Variants in ALG14 observed in about 807,000 individuals in gnomAD.
The protein encoded by ALG14 is UDP-N-acetylglucosamine transferase subunit ALG14.
Under a neutral mutation model 22.8 loss-of-function variants are expected in ALG14, and 17 were observed. That is an observed-to-expected ratio of 0.75 (90% confidence interval 0.51 to 1.12). ALG14 has a LOEUF of 1.12. ALG14 is among the 50% of genes most tolerant of loss of function. ALG14 has a pLI of 0.00. For synonymous variants in ALG14, 89 were observed against 103.7 expected, an observed-to-expected ratio of 0.86 and a Z score of 0.86; for missense variants, 288 against 271.8, an observed-to-expected ratio of 1.06 and a Z score of -0.42.
In ALG14 at chr1:95,010,857, T is replaced by C. The variant is rs1021545135; in HGVS notation, c.420+16272A>G. 9.2e-5 allele frequency among the ~76,000 whole-genome samples: 14 copies of C among 152,298 alleles called. No homozygotes were observed. The East Asian group carries it at 2.5e-3, about 27-fold the overall frequency. On this transcript the variant is annotated intron_variant, in intron 3 of 3. Transcript: ENST00000370205. The stretch of plus-strand genomic sequence containing the variant: ...AGAGGAAAAAAAAGCCAGAATATCA[T>C]TCCATATTTAGTAAAAAGTTCTAAA...
intron 3 of ALG14, among the ~76,000 whole-genome samples, chr1:94,996,919 G>A (rs1190055390): frequency 1.3e-5 from 2 of 152,124 alleles, no homozygotes; most frequent in Non-Finnish European, 2.9e-5. Context: ...CTGACCTCAG[G>A]TGATCCACCC....
chr1:95,068,391 A>G (rs1431300716), intron 1 of ALG14, among the ~76,000 whole-genome samples: 2 of 152,080 alleles, frequency 1.3e-5, no homozygotes, highest in African/African-American at 4.8e-5. Flanking sequence ...GGTTCAAGCG[A>G]TTCTCCTGCC....
chr1:95,028,333 G>A (rs1483217386), intron 2 of ALG14, among the ~76,000 whole-genome samples: 1 of 152,162 alleles, frequency 6.6e-6, no homozygotes, highest in Non-Finnish European at 1.5e-5. Context: ...TCAGCCTCCA[G>A]TAGCTGGGAC....
chr1:95,026,946 T>G (rs1343975672), intron 3 of ALG14, among the ~76,000 whole-genome samples, 183 bp downstream of exon 3: 2 of 152,218 alleles, frequency 1.3e-5, no homozygotes, highest in African/African-American at 4.8e-5. Flanking sequence ...AAAGAACTGA[T>G]ATTTATTTCT....
chr1:94,996,882 G>A lies in ALG14; in HGVS notation c.421-13576C>T, dbSNP rs185699405. Among the ~76,000 whole-genome samples, 503 of 152,016 alleles carry A rather than the reference G, an allele frequency of 3.3e-3. 1 individual carries two copies. Among genetic ancestry groups the A allele is most frequent in the African/African-American group, 0.011 (476 of 41,458 alleles). The stretch of plus-strand genomic sequence containing the variant: ...TTTTTAGTAGAGACAGGGTTTCACC[G>A]TTGTTGGCCAGGCTGGTATCGAATT... On this transcript the variant is annotated intron_variant, in intron 3 of 3. Coordinates refer to ENST00000370205, the MANE Select transcript of ALG14 (RefSeq NM_144988.4).
intron 2 of ALG14, among the ~76,000 whole-genome samples, chr1:95,052,818 C>T (rs1054609965): frequency 6.3e-4 from 94 of 148,180 alleles, no homozygotes; most frequent in African/African-American, 2.3e-3. Flanking sequence ...GATCGCACCA[C>T]TGCACTCCTG....
Position 95,004,786 on chromosome 1 carries a change from C to T in ALG14, c.421-21480G>A, listed in dbSNP as rs574657896. On this transcript the variant is annotated intron_variant, in intron 3 of 3. Coordinates refer to ENST00000370205, the MANE Select transcript of ALG14 (RefSeq NM_144988.4). The stretch of plus-strand genomic sequence containing the variant: ...CTGGGATTACAGGCATGAGCCACCG[C>T]GCCTGCCCCCGCCCCCGCCTTTTTA... Among the ~76,000 whole-genome samples the T allele has an allele frequency of 9.5e-5, 14 of 146,972 alleles. No homozygotes were observed. The East Asian group carries it at 9.7e-4, about 10-fold the overall frequency.
chr1:95,072,714 G>A (rs767693259), intron 1 of ALG14, 49 bp downstream of exon 1: 5 of 1,606,536 alleles, frequency 3.1e-6, no homozygotes, highest in Non-Finnish European at 3.4e-6. Context: ...TGCACTCTGG[G>A]GTTTGTAGTG....
chr1:95,024,649 T>G (rs755231218), intron 3 of ALG14, among the ~76,000 whole-genome samples: 9 of 152,148 alleles, frequency 5.9e-5, no homozygotes, highest in Non-Finnish European at 7.4e-5. Flanking sequence ...AGCGAGCCAT[T>G]TTCACAGATC....
At chr1:94,990,442 A>C (rs1328365057) in intron 3 of ALG14, among the ~76,000 whole-genome samples, 1 of 152,238 alleles carries the variant, frequency 6.6e-6, no homozygotes, top group Non-Finnish European at 1.5e-5. Flanking sequence ...TTAAATCACC[A>C]AATAAATTCT....
At chr1:95,066,966 T>G (rs1388343215) in intron 1 of ALG14, 2 of 152,220 alleles carry the variant, frequency 1.3e-5, no homozygotes, top group Non-Finnish European at 2.9e-5. Context: ...TCCACTACAA[T>G]TAAAACTTCA....
chr1:95,002,844 C>T (rs1673103798), intron 3 of ALG14, among the ~76,000 whole-genome samples: 1 of 152,148 alleles, frequency 6.6e-6, no homozygotes, highest in South Asian at 2.1e-4. Context: ...TCACAAACTC[C>T]ATATAAAAAC....
intron 2 of ALG14, among the ~76,000 whole-genome samples, chr1:95,040,608 G>C (rs1674349371): frequency 6.6e-6 from 1 of 152,158 alleles, no homozygotes; most frequent in South Asian, 2.1e-4. Context: ...TTGTACAAAA[G>C]GAAGGACGTA....
At chr1:95,061,027 C>T (rs140959015) in intron 2 of ALG14, among the ~76,000 whole-genome samples, 15 of 152,186 alleles carry the variant, frequency 9.9e-5, no homozygotes, top group East Asian at 5.8e-4. Context: ...TGGTGGAAGC[C>T]GAGATTAGAG....
chr1:95,053,004 G>A (rs1024325284), intron 2 of ALG14, among the ~76,000 whole-genome samples: 11 of 151,994 alleles, frequency 7.2e-5, no homozygotes, highest in Admixed American at 2.0e-4. Flanking sequence ...CAAGAAAAAG[G>A]TCTAAGTAAA....
chr1:94,986,390 T>C (rs1332072350), intron 3 of ALG14, among the ~76,000 whole-genome samples: 1 of 152,226 alleles, frequency 6.6e-6, no homozygotes, highest in South Asian at 2.1e-4. Context: ...GCTTACCCTA[T>C]ATTGACTCAA....
At chr1:95,063,373 G>A (rs115720287) in intron 2 of ALG14, among the ~76,000 whole-genome samples, 6,993 of 152,072 alleles carry the variant, frequency 0.046, 213 homozygotes, top group South Asian at 0.083. Flanking sequence ...TGCCCATGCT[G>A]GTGTCCTGAA....
At position 95,056,460 on chromosome 1, in the gene ALG14, C is replaced by T. The variant is rs140433647; in HGVS notation, c.288+8406G>A. Reference sequence around the variant, plus strand: ...AGGAGTTCGAGACCAGCCTGGGCAACATGGAGAAATTCTGTCTCTACAAAA... The same window carrying T: ...AGGAGTTCGAGACCAGCCTGGGCAATATGGAGAAATTCTGTCTCTACAAAA... On this transcript the variant is annotated intron_variant, in intron 2 of 3. Coordinates refer to ENST00000370205, the MANE Select transcript of ALG14 (RefSeq NM_144988.4). 6.3e-4 allele frequency among the ~76,000 whole-genome samples: 95 copies of T among 151,670 alleles called. No individual in the cohort carries two copies. The East Asian group carries it at 0.018, about 29-fold the overall frequency.
At chr1:95,071,595 A>T (rs1315532867) in intron 1 of ALG14, among the ~76,000 whole-genome samples, 2 of 151,910 alleles carry the variant, frequency 1.3e-5, no homozygotes, top group Non-Finnish European at 2.9e-5. Flanking sequence ...GACTCAGTTT[A>T]CCTCCCTACA....
Sources: allele counts gnomAD v4.1 joint callset (sites outside exome capture counted in the v4.1 genomes callset), GRCh38; gene constraint gnomAD v4.1.1; transcripts MANE v1.5; gene names NCBI Gene and HGNC (gene_info 2026-07-23, HGNC 2026-07-21).